The following XPO6 variants were observed in gnomAD, a reference collection of about 807,000 sequenced individuals.
The protein encoded by XPO6 is exportin 6.
XPO6 carries 3 observed loss-of-function variants against 130.0 expected under a neutral mutation model. The observed-to-expected ratio is 0.02, with a 90% CI of 0.01 to 0.06. The LOEUF (loss-of-function observed/expected upper bound fraction) is 0.06, where lower values mean the gene tolerates loss of function less well. XPO6 is among the 10% of genes least tolerant of loss of function. XPO6 has a pLI of 1.00. For missense variants in XPO6, 970 were observed against 1,393.0 expected (o/e 0.70, Z 4.83); for synonymous variants, 524 against 548.9 (o/e 0.95, Z 0.63).
intron 15 of XPO6, among the ~76,000 whole-genome samples, chr16:28,115,807 A>G (rs1186558466): frequency 6.6e-6 from 1 of 152,228 alleles, no homozygotes; most frequent in Non-Finnish European, 1.5e-5. Context: ...GGCCACCTTC[A>G]GCAGTGATCT....
chr16:28,111,959 C>G lies in XPO6; in HGVS notation c.2199G>C (p.Pro733=). 2 of 1,613,996 alleles carry G rather than the reference C, an allele frequency of 1.2e-6. No individual in the cohort carries two copies. The highest frequency in any genetic ancestry group is 1.7e-6 in the Non-Finnish European group (2 of 1,179,958). The change falls in exon 17 of 24, where the codon CCG becomes CCC. Residue 733 remains proline, a synonymous_variant. Coordinates refer to ENST00000304658, the MANE Select transcript of XPO6 (RefSeq NM_015171.4). ...CRALSNILLL[P]WPNLPENEQQ... is the part of the protein sequence containing the mutation. ...GCTCATTCTCTGGAAGGTTTGGCCA[C>G]GGAAGCAGCAAGATGTTAGAGAGGG...
chr16:28,152,635 G>A (rs149780067), intron 8 of XPO6, 24 bp downstream of exon 8: 1 of 1,595,214 alleles, frequency 6.3e-7, no homozygotes, highest in East Asian at 2.2e-5. Flanking sequence ...TCTCTGGAAG[G>A]GAAGGATGAC....
intron 1 of XPO6, among the ~76,000 whole-genome samples, chr16:28,195,222 T>C (rs1219369158): frequency 3.9e-5 from 6 of 152,126 alleles, no homozygotes; most frequent in Non-Finnish European, 8.8e-5. Context: ...CAATACACTT[T>C]TGGTGATTTT....
At position 28,141,541 on chromosome 16, in the gene XPO6, G is replaced by T. The variant is rs545599590; in HGVS notation, c.1334+4553C>A. Among the ~76,000 whole-genome samples, 157 of 152,170 alleles carry T rather than the reference G, an allele frequency of 1.0e-3. 2 individuals are homozygous for T. The highest frequency in any genetic ancestry group is 3.4e-3 in the Middle Eastern group (1 of 294). On this transcript the variant is annotated intron_variant, in intron 9 of 23. Transcript: ENST00000304658. ...AACAAGGAAAGGGAAAGGAAAATCC[G>T]GGCCTTTCCATGCCACCACCTCAAA...
intron 4 of XPO6, 51 bp downstream of exon 4, chr16:28,175,847 T>G (rs1241170906): frequency 6.4e-7 from 1 of 1,556,402 alleles, no homozygotes; most frequent in Admixed American, 1.7e-5. Context: ...AAATAATCAC[T>G]TCAACAAACA....
chr16:28,099,543 A>G (rs2086610193), intron 23 of XPO6, among the ~76,000 whole-genome samples: 1 of 152,160 alleles, frequency 6.6e-6, no homozygotes, highest in African/African-American at 2.4e-5. Flanking sequence ...CAGAACACCC[A>G]GGTCTGCCTC....
At chr16:28,184,776 A>G (rs933593887) in intron 1 of XPO6, among the ~76,000 whole-genome samples, 7 of 152,224 alleles carry the variant, frequency 4.6e-5, no homozygotes, top group Non-Finnish European at 1.0e-4. Context: ...AATTTAAACG[A>G]CTGACAATAA....
Position 28,185,133 on chromosome 16 carries a change from C to A in XPO6, c.4-4102G>T, listed in dbSNP as rs1285336994. ...CAACAACACAGATGAATCTCACAAA[C>A]ACAATGTAGAGTGAAAGAAACCAAA... is the stretch of plus-strand genomic sequence containing the variant. On this transcript the variant is annotated intron_variant, in intron 1 of 23. Transcript: ENST00000304658. Among the ~76,000 whole-genome samples, 3 of 152,122 alleles carry A rather than the reference C, an allele frequency of 2.0e-5. No individual in the cohort carries two copies. In the East Asian group the frequency reaches 5.8e-4, roughly 29 times the overall value.
At chr16:28,134,601 C>T (rs2042740225) in intron 10 of XPO6, among the ~76,000 whole-genome samples, 1 of 152,148 alleles carries the variant, frequency 6.6e-6, no homozygotes, top group African/African-American at 2.4e-5. Context: ...AATATGACCA[C>T]CCATAAGCTC....
Position 28,101,778 on chromosome 16 carries a change from A to T in XPO6, c.3045+69T>A. On this transcript the variant is annotated intron_variant, in intron 22 of 23. Transcript: ENST00000304658. The surrounding 1 kb of genome is among the most constrained non-coding windows in gnomAD (Gnocchi z 5.4). ...CTTTCTGTCACACTCTCCAGTGAGTAACCTGAGGGTGGGACACAGGCCACA... is the reference window on the plus strand; with the variant it reads ...CTTTCTGTCACACTCTCCAGTGAGTTACCTGAGGGTGGGACACAGGCCACA... The T allele has an allele frequency of 6.3e-7, 1 of 1,590,658 alleles. No homozygotes were observed. The highest frequency in any genetic ancestry group is 1.7e-5 in the Admixed American group (1 of 58,932).
Position 28,101,206 on chromosome 16 carries a change from G to A in XPO6, c.3276+252C>T, listed in dbSNP as rs1280359259. On this transcript the variant is annotated intron_variant, in intron 23 of 23. Coordinates refer to ENST00000304658, the MANE Select transcript of XPO6 (RefSeq NM_015171.4). This position sits in a 1 kb window ranked among gnomAD's most constrained non-coding sequence, Gnocchi z 5.4. ...CCAAGACAAATGGAGGGGCTGCAGA[G>A]CCAGGAACTCGGGACCTCCATGGCT... is the stretch of plus-strand genomic sequence containing the variant. 8.8e-6 allele frequency: 5 copies of A among 567,484 alleles called. No homozygotes were observed. Among genetic ancestry groups the A allele is most frequent in the Admixed American group, 8.6e-5 (3 of 34,752 alleles). The allele number at this position is 567,484 out of a possible 1,614,324, so 35.2% of individuals were successfully genotyped here.
intron 7 of XPO6, chr16:28,153,727 G>C (rs1406758089): frequency 2.0e-6 from 2 of 985,148 alleles, no homozygotes; most frequent in South Asian, 9.4e-5. Flanking sequence ...AACACAAAAA[G>C]GTAAAGACAT....
In XPO6 at chr16:28,133,788, C is replaced by T. The variant is rs367877679; in HGVS notation, c.1536+53G>A. 419 of 1,568,078 alleles carry T rather than the reference C, an allele frequency of 2.7e-4. 4 individuals carry two copies. In the African/African-American group the frequency reaches 5.1e-3, roughly 19 times the overall value. ...GATCCAGGGGAGTCAACCAGCCATG[C>T]TCTGTGTACAGAGAAATCGCTACAC... On this transcript the variant is annotated intron_variant, in intron 11 of 23. Coordinates refer to ENST00000304658, the MANE Select transcript of XPO6 (RefSeq NM_015171.4).
chr16:28,180,680 G>A (rs1320757617), intron 2 of XPO6, among the ~76,000 whole-genome samples: 3 of 151,216 alleles, frequency 2.0e-5, no homozygotes, highest in Admixed American at 6.6e-5. Context: ...CACCCTAGAC[G>A]CCCCCACCAA....
chr16:28,112,280 A>C (rs184330414), intron 16 of XPO6, among the ~76,000 whole-genome samples: 1 of 152,338 alleles, frequency 6.6e-6, no homozygotes, highest in Non-Finnish European at 1.5e-5. Context: ...TAGAGAGGGA[A>C]AAATCACACT....
chr16:28,099,810 T>G (rs2086616569), intron 23 of XPO6, among the ~76,000 whole-genome samples: 1 of 152,212 alleles, frequency 6.6e-6, no homozygotes, highest in South Asian at 2.1e-4. Flanking sequence ...GCAGCTGGCT[T>G]CAAACACACA....
At position 28,206,035 on chromosome 16, in the gene XPO6, C is replaced by CAAAAA. The variant is rs1251090416; in HGVS notation, c.3+5326_3+5330dup. ...CCTAGGCGACAGAGCAAGACTGTCT[C>CAAAAA]AAAAAAAAAAAAAAAAAAACTGCCT... is the stretch of plus-strand genomic sequence containing the variant. On this transcript the variant is annotated intron_variant, in intron 1 of 23. Transcript: ENST00000304658. 3.2e-5 allele frequency among the ~76,000 whole-genome samples: 3 copies of CAAAAA among 92,686 alleles called. 1 individual carries two copies. The highest frequency in any genetic ancestry group is 2.5e-4 in the Admixed American group (2 of 7,854). The allele number at this position is 92,686 out of a possible 152,430, so 60.8% of individuals were successfully genotyped here.
intron 15 of XPO6, among the ~76,000 whole-genome samples, chr16:28,114,633 A>G (rs567588938): frequency 6.6e-6 from 1 of 152,236 alleles, no homozygotes; most frequent in South Asian, 2.1e-4. Context: ...CTTCCTTGAA[A>G]GTGACTGCTG....
Position 28,133,834 on chromosome 16 carries a change from A to C in XPO6, c.1536+7T>G. ...TACACTCTCCACTCCCCCGGACAGC[A>C]CATTACCAGTGTGGAGAAGGCGTGC... On this transcript the variant is annotated splice_region_variant and intron_variant, in intron 11 of 23. Transcript: ENST00000304658. 1.2e-6 allele frequency: 2 copies of C among 1,613,954 alleles called. No individual in the cohort carries two copies. Among genetic ancestry groups the C allele is most frequent in the Non-Finnish European group, 1.7e-6 (2 of 1,179,898 alleles).
Sources: gnomAD v4.1 joint callset for allele counts (sites outside exome capture counted in the v4.1 genomes callset) on GRCh38, gnomAD v4.1.1 for gene constraint, Gnocchi (gnomAD v3.1) non-coding constraint, MANE v1.5 for transcripts, NCBI Gene and HGNC (gene_info 2026-07-23, HGNC 2026-07-21) for gene names.